CORO1C: variants seen among roughly 807,000 people sequenced by gnomAD.
CORO1C encodes coronin 1C, also known as coronin-1C.
CORO1C carries 14 observed loss-of-function variants against 51.2 expected under a neutral mutation model. The ratio of observed to expected loss-of-function variants is 0.27; its 90% CI spans 0.18 to 0.43. The LOEUF (loss-of-function observed/expected upper bound fraction) is 0.43, where lower values mean the gene tolerates loss of function less well. CORO1C is among the 20% of genes least tolerant of loss of function. The probability of loss-of-function intolerance (pLI) is 1.00; values close to 1 mark genes in which losing one functional copy is unlikely to be tolerated. For synonymous variants in CORO1C, 181 were observed against 210.5 expected (o/e 0.86, Z 1.21); for missense variants, 417 against 607.8 (o/e 0.69, Z 3.30).
chr12:108,657,531 G>A (rs1287938490), intron 5 of CORO1C, 108 bp from the exon 6 acceptor site: 5 of 1,169,456 alleles, frequency 4.3e-6, no homozygotes, highest in Non-Finnish European at 6.1e-6. Context: ...ATGTTCACCT[G>A]GGTGTGGGAG....
intron 3 of CORO1C, among the ~76,000 whole-genome samples, chr12:108,671,279 C>G (rs1316980418): frequency 6.6e-6 from 1 of 151,600 alleles, no homozygotes; most frequent in East Asian, 1.9e-4. Flanking sequence ...AAGGCATGAT[C>G]GTGCCACTGT....
chr12:108,671,737 A>G (rs1219158869), intron 3 of CORO1C, among the ~76,000 whole-genome samples: 1 of 152,184 alleles, frequency 6.6e-6, no homozygotes, highest in Admixed American at 6.5e-5. Flanking sequence ...TTACTCAAGG[A>G]AAAACTGTGA....
chr12:108,655,109 A>T (rs2032880859), intron 6 of CORO1C, among the ~76,000 whole-genome samples: 1 of 152,030 alleles, frequency 6.6e-6, no homozygotes, highest in Non-Finnish European at 1.5e-5. Context: ...AAAATCCTAC[A>T]GCCCAGTGGG....
At chr12:108,722,493 T>C (rs1425529313) in intron 1 of CORO1C, among the ~76,000 whole-genome samples, 2 of 152,192 alleles carry the variant, frequency 1.3e-5, no homozygotes, top group African/African-American at 4.8e-5. Flanking sequence ...CTTACTTCTC[T>C]TTCACATGAC....
chr12:108,661,278 G>A (rs2033248933), intron 4 of CORO1C, among the ~76,000 whole-genome samples: 1 of 152,156 alleles, frequency 6.6e-6, no homozygotes, highest in Non-Finnish European at 1.5e-5. Flanking sequence ...TCCAGAAATA[G>A]GGGACTTATC....
At chr12:108,659,020 G>C in intron 4 of CORO1C, 101 bp from the exon 5 acceptor site, 1 of 492,538 alleles carries the variant, frequency 2.0e-6, no homozygotes, top group South Asian at 6.0e-5. Context: ...TGTATATGCA[G>C]AGAGAGAGAG....
chr12:108,668,032 G>A (rs1302863545), intron 3 of CORO1C, among the ~76,000 whole-genome samples: 1 of 152,098 alleles, frequency 6.6e-6, no homozygotes, highest in African/African-American at 2.4e-5. Flanking sequence ...TTGCTACTGG[G>A]CTAGGACTAG....
chr12:108,700,264 C>G (rs1416995866), intron 2 of CORO1C, among the ~76,000 whole-genome samples: 1 of 152,146 alleles, frequency 6.6e-6, no homozygotes, highest in Non-Finnish European at 1.5e-5. Flanking sequence ...CAGGACTCAC[C>G]AAACTCATTT....
intron 1 of CORO1C, chr12:108,730,233 A>C (rs2035686734): frequency 6.6e-6 from 1 of 152,230 alleles, no homozygotes; most frequent in African/African-American, 2.4e-5. Flanking sequence ...TAGACACCAC[A>C]AAACAAGGGC....
intron 1 of CORO1C, among the ~76,000 whole-genome samples, chr12:108,717,708 A>G (rs1010936364): frequency 4.6e-5 from 7 of 152,216 alleles, no homozygotes; most frequent in Non-Finnish European, 1.0e-4. Flanking sequence ...GTGGAGACTT[A>G]CTTACTACCT....
At chr12:108,712,772 A>C (rs564041585) in intron 1 of CORO1C, among the ~76,000 whole-genome samples, 43 of 152,020 alleles carry the variant, frequency 2.8e-4, no homozygotes, top group Non-Finnish European at 5.6e-4. Flanking sequence ...GCTTAAGGCC[A>C]GGGGTTCAAG....
At chr12:108,683,946 T>C (rs907664774) in intron 2 of CORO1C, among the ~76,000 whole-genome samples, 13 of 152,082 alleles carry the variant, frequency 8.5e-5, no homozygotes, top group African/African-American at 2.4e-4. Flanking sequence ...GGGAGAAAAA[T>C]TGAAGCCTAT....
chr12:108,704,534 T>A (rs539809878), intron 1 of CORO1C, among the ~76,000 whole-genome samples: 5 of 152,094 alleles, frequency 3.3e-5, no homozygotes, highest in Non-Finnish European at 7.3e-5. Flanking sequence ...TACATGTGGA[T>A]AGAATGATAT....
intron 2 of CORO1C, among the ~76,000 whole-genome samples, chr12:108,680,316 C>T (rs971765858): frequency 6.6e-6 from 1 of 152,208 alleles, no homozygotes; most frequent in African/African-American, 2.4e-5. Context: ...GCCCTGTTTA[C>T]AGACCTAAGG....
intron 4 of CORO1C, among the ~76,000 whole-genome samples, 183 bp from the exon 5 acceptor site, chr12:108,659,102 C>G (rs934785115): frequency 1.3e-5 from 2 of 151,984 alleles, no homozygotes; most frequent in Non-Finnish European, 2.9e-5. Context: ...TTACTAACAG[C>G]GTTAAAAACT....
At chr12:108,649,152 C>T (rs1759345627) in intron 8 of CORO1C, 132 bp from the exon 9 acceptor site, 7 of 989,024 alleles carry the variant, frequency 7.1e-6, no homozygotes, top group South Asian at 1.6e-5. Context: ...ATCTGATCCA[C>T]CCCGGGAATA....
At chr12:108,647,615 A>G in intron 10 of CORO1C, 93 bp from the exon 11 acceptor site, 3 of 934,482 alleles carry the variant, frequency 3.2e-6, no homozygotes, top group South Asian at 1.7e-5. Context: ...GTAGTTTTCT[A>G]TTTTGCAAAC....
intron 1 of CORO1C, among the ~76,000 whole-genome samples, chr12:108,707,695 C>T (rs2035065265): frequency 6.6e-6 from 1 of 152,102 alleles, no homozygotes; most frequent in Non-Finnish European, 1.5e-5. Context: ...AAATCGAAGA[C>T]AACTCATAGA....
At chr12:108,682,207 T>C (rs2034148101) in intron 2 of CORO1C, among the ~76,000 whole-genome samples, 1 of 151,666 alleles carries the variant, frequency 6.6e-6, no homozygotes, top group Non-Finnish European at 1.5e-5. Flanking sequence ...GCATGAAAAC[T>C]AGAAAGCACA....
Sources: allele counts gnomAD v4.1 joint callset (sites outside exome capture counted in the v4.1 genomes callset), GRCh38; gene constraint gnomAD v4.1.1; transcripts MANE v1.5; gene names NCBI Gene and HGNC (gene_info 2026-07-23, HGNC 2026-07-21).